Variants in POC1B observed in about 807,000 individuals in gnomAD.
POC1B encodes POC1 centriolar protein homolog B.
POC1B carries 44 observed loss-of-function variants against 60.6 expected under a neutral mutation model. The ratio of observed to expected loss-of-function variants is 0.73; its 90% CI spans 0.57 to 0.93. The LOEUF (loss-of-function observed/expected upper bound fraction) is 0.93, where lower values mean the gene tolerates loss of function less well. POC1B is among the 40% of genes least tolerant of loss of function. POC1B has a pLI of 0.00. For synonymous variants in POC1B, 180 were observed against 198.9 expected, an observed-to-expected ratio of 0.90 and a Z score of 0.80; for missense variants, 555 against 572.3, an observed-to-expected ratio of 0.97 and a Z score of 0.31.
chr12:89,458,777 G>A lies in POC1B; in HGVS notation c.1113+861C>T, dbSNP rs76100554. On this transcript the variant is annotated intron_variant, in intron 10 of 11. Transcript: ENST00000313546. ...ACTAAACTGACATCATAGCAGTAGT[G>A]TCGTCAAAGACCACGCTGTTCTTCC... Among the ~76,000 whole-genome samples the A allele has an allele frequency of 6.8e-3, 1,031 of 152,246 alleles. 12 individuals carry two copies. Among genetic ancestry groups the A allele is most frequent in the African/African-American group, 0.024 (996 of 41,548 alleles).
intron 2 of POC1B, chr12:89,499,976 G>A: frequency 1.4e-6 from 1 of 715,882 alleles, no homozygotes; most frequent in African/African-American, 1.8e-5. Flanking sequence ...CGACTTAAGG[G>A]TGTTGCTTGG....
chr12:89,496,410 A>G (rs1215150301), intron 3 of POC1B, among the ~76,000 whole-genome samples: 1 of 152,078 alleles, frequency 6.6e-6, no homozygotes, highest in African/African-American at 2.4e-5. Context: ...TTCTAAAAAT[A>G]CTCCAGGGGA....
At chr12:89,402,350 C>T in the POC1B span, among the ~76,000 whole-genome samples, 1 of 151,698 alleles carries the variant, frequency 6.6e-6, no homozygotes, top group African/African-American at 2.4e-5. Context: ...CACACACACA[C>T]ACACACACAC....
Sources: allele counts gnomAD v4.1 joint callset (sites outside exome capture counted in the v4.1 genomes callset), GRCh38; gene constraint gnomAD v4.1.1; transcripts MANE v1.5; gene names NCBI Gene and HGNC (gene_info 2026-07-23, HGNC 2026-07-21).